NTRK2: variants seen among roughly 807,000 people sequenced by gnomAD.
The protein encoded by NTRK2 is neurotrophic receptor tyrosine kinase 2.
A neutral mutation model predicts 94.5 loss-of-function variants in NTRK2; 13 were observed. That is an observed-to-expected ratio of 0.14 (90% confidence interval 0.09 to 0.22). The LOEUF (loss-of-function observed/expected upper bound fraction) is 0.22, where lower values mean the gene tolerates loss of function less well. Among genes scored for constraint, NTRK2 ranks in the 10% least tolerant of loss-of-function variants. The probability of loss-of-function intolerance (pLI) is 1.00; values close to 1 mark genes in which losing one functional copy is unlikely to be tolerated. For missense variants in NTRK2, 639 were observed against 1,071.2 expected (o/e 0.60, Z 5.63); for synonymous variants, 372 against 407.4 (o/e 0.91, Z 1.05).
chr9:84,881,047 C>G (rs1253115731), intron 14 of NTRK2, among the ~76,000 whole-genome samples: 5 of 152,100 alleles, frequency 3.3e-5, no homozygotes. Context: ...GGAGATGCAG[C>G]CAGAGAGTGG....
rs78387427 is a variant in NTRK2 at position 84,851,326 on chromosome 9, G to A, written c.1397-9714G>A. On this transcript the variant is annotated intron_variant, in intron 12 of 18. Transcript: ENST00000277120. ...AAAGAAATGCAGTCTCATCTGATGG[G>A]TTTAGTTTCCTTCCACTGACAGTGT... Among the ~76,000 whole-genome samples the A allele has an allele frequency of 8.6e-3, 1,314 of 152,272 alleles. 33 individuals are homozygous for A. The highest frequency in any genetic ancestry group is 0.03 in the African/African-American group (1,248 of 41,560).
chr9:84,723,234 C>T (rs984207285), intron 6 of NTRK2, among the ~76,000 whole-genome samples: 1 of 152,160 alleles, frequency 6.6e-6, no homozygotes, highest in Non-Finnish European at 1.5e-5. Flanking sequence ...TATGTACAAT[C>T]TCTGTTTATG....
chr9:84,930,814 C>A (rs1198152532), intron 14 of NTRK2, among the ~76,000 whole-genome samples: 1 of 152,068 alleles, frequency 6.6e-6, no homozygotes, highest in Non-Finnish European at 1.5e-5. Flanking sequence ...AGTTTTGATG[C>A]CTTCTTAAAG....
At chr9:84,702,068 C>T (rs570261365) in intron 2 of NTRK2, 91 bp from the exon 3 acceptor site, 9 of 1,177,552 alleles carry the variant, frequency 7.6e-6, no homozygotes, top group Non-Finnish European at 1.1e-5. Flanking sequence ...GAGGGAGCAC[C>T]TTGGACACCT....
chr9:84,961,774 C>A (rs529671453), intron 17 of NTRK2, among the ~76,000 whole-genome samples: 1 of 152,290 alleles, frequency 6.6e-6, no homozygotes, highest in African/African-American at 2.4e-5. Flanking sequence ...AATGTAGATA[C>A]AAAATGGGAA....
At chr9:84,828,984 TG>T (rs1029327067) in intron 12 of NTRK2, among the ~76,000 whole-genome samples, 9 of 150,262 alleles carry the variant, frequency 6.0e-5, no homozygotes, top group Non-Finnish European at 8.9e-5. Flanking sequence ...AAATCTATGG[TG>T]TTTTTTTTTT....
At chr9:85,004,047 G>GAAAGAAAGAAAGAA in intron 17 of NTRK2, among the ~76,000 whole-genome samples, 1 of 39,836 alleles carries the variant, frequency 2.5e-5, no homozygotes, top group East Asian at 3.5e-4. Flanking sequence ...GAAAGAAAGG[G>GAAAGAAAGAAAGAA]AGAAAGAGAA....
intron 12 of NTRK2, among the ~76,000 whole-genome samples, chr9:84,829,291 G>A (rs1471982021): frequency 6.6e-6 from 1 of 152,132 alleles, no homozygotes; most frequent in East Asian, 1.9e-4. Context: ...AAGCCACAGC[G>A]CCTGGCCCAG....
intron 2 of NTRK2, among the ~76,000 whole-genome samples, chr9:84,676,455 T>C (rs573957355): frequency 6.6e-6 from 1 of 152,332 alleles, no homozygotes; most frequent in South Asian, 2.1e-4. Flanking sequence ...ATGTTAGTAC[T>C]GGTCTGATGA....
At chr9:84,892,755 T>C (rs1156744093) in intron 14 of NTRK2, among the ~76,000 whole-genome samples, 1 of 152,148 alleles carries the variant, frequency 6.6e-6, no homozygotes, top group Non-Finnish European at 1.5e-5. Flanking sequence ...ACTCCATCTC[T>C]ACTAAAAAAT....
intron 17 of NTRK2, among the ~76,000 whole-genome samples, chr9:84,977,373 C>G (rs529388837): frequency 1.3e-5 from 2 of 152,204 alleles, no homozygotes; most frequent in African/African-American, 4.8e-5. Flanking sequence ...GCAAAATCAC[C>G]AATAACAAGC....
chr9:84,814,289 G>A (rs2072129822), intron 12 of NTRK2: 3 of 1,065,448 alleles, frequency 2.8e-6, no homozygotes, highest in African/African-American at 3.3e-5. Flanking sequence ...CAGAGCAGAG[G>A]CGACACCTCT....
intron 2 of NTRK2, among the ~76,000 whole-genome samples, chr9:84,682,064 A>G (rs1188768990): frequency 6.6e-6 from 1 of 152,196 alleles, no homozygotes; most frequent in Non-Finnish European, 1.5e-5. Flanking sequence ...TGAGGCATCC[A>G]TCTCCATAAT....
rs1481657144 is a variant in NTRK2, at chr9:85,022,164, C to G, written c.*727C>G. 2 of 233,232 alleles carry G rather than the reference C, an allele frequency of 8.6e-6. No individual in the cohort carries two copies. Among genetic ancestry groups the G allele is most frequent in the Non-Finnish European group, 1.7e-5 (2 of 118,120 alleles). The allele number at this position is 233,232 out of a possible 1,614,324, so 14.4% of individuals were successfully genotyped here. A position where few individuals can be genotyped will look rare whatever the true frequency, so the allele number is the denominator to read the frequency against. Reference sequence around the variant, plus strand: ...TGGGATCAGCTGGTGTCAGTCCCTACTTAGGAAATACTCAGCAACTGTTAG... The same window carrying G: ...TGGGATCAGCTGGTGTCAGTCCCTAGTTAGGAAATACTCAGCAACTGTTAG... On this transcript the variant is annotated 3_prime_UTR_variant, in exon 19 of 19. Coordinates refer to ENST00000277120, the MANE Select transcript of NTRK2 (RefSeq NM_006180.6).
intron 14 of NTRK2, among the ~76,000 whole-genome samples, chr9:84,931,091 C>A (rs1387447238): frequency 1.3e-5 from 2 of 152,142 alleles, no homozygotes; most frequent in African/African-American, 4.8e-5. Context: ...ATTCCTGTGC[C>A]CCTAAGTAGC....
chr9:84,759,540 T>C (rs971540828), intron 12 of NTRK2, among the ~76,000 whole-genome samples: 34 of 152,362 alleles, frequency 2.2e-4, no homozygotes, highest in South Asian at 1.0e-3. Flanking sequence ...TTTGGGACTT[T>C]CCATGCTAGT....
chr9:84,778,024 G>T (rs1246712925), intron 12 of NTRK2, among the ~76,000 whole-genome samples: 1 of 152,140 alleles, frequency 6.6e-6, no homozygotes, highest in Non-Finnish European at 1.5e-5. Context: ...CATTTTGGGA[G>T]GCAGAAGCGG....
intron 12 of NTRK2, among the ~76,000 whole-genome samples, chr9:84,842,102 C>A (rs534945771): frequency 6.6e-6 from 1 of 152,320 alleles, no homozygotes; most frequent in South Asian, 2.1e-4. Context: ...GGAATCCCTG[C>A]TAATCCCCTG....
rs937458942 is a variant in NTRK2, at chr9:85,024,508, G to C, written c.*3071G>C. 8.7e-6 allele frequency: 2 copies of C among 230,154 alleles called. No homozygotes were observed. The highest frequency in any genetic ancestry group is 4.5e-5 in the African/African-American group (2 of 44,408). 14.3% of individuals were successfully genotyped at this position (230,154 alleles called of 1,614,324 possible). On this transcript the variant is annotated 3_prime_UTR_variant, in exon 19 of 19. Coordinates refer to ENST00000277120, the MANE Select transcript of NTRK2 (RefSeq NM_006180.6). Reference sequence around the variant, plus strand: ...GTGTAGATGAGGACGTTGAGACTCAGAGACATTCAGAGGCACGCTAGAGGT... The same window carrying C: ...GTGTAGATGAGGACGTTGAGACTCACAGACATTCAGAGGCACGCTAGAGGT...
Sources: allele counts gnomAD v4.1 joint callset (sites outside exome capture counted in the v4.1 genomes callset), GRCh38; gene constraint gnomAD v4.1.1; transcripts MANE v1.5; gene names NCBI Gene and HGNC (gene_info 2026-07-23, HGNC 2026-07-21).